The following LRRC8C variants were observed in gnomAD, a reference collection of about 807,000 sequenced individuals.
LRRC8C encodes leucine rich repeat containing 8 VRAC subunit C.
In LRRC8C, 20 loss-of-function variants were observed where a neutral mutation model predicts 55.3. That is an observed-to-expected ratio of 0.36 (90% confidence interval 0.25 to 0.53). LRRC8C has a LOEUF of 0.53. Among genes scored for constraint, LRRC8C ranks in the 20% least tolerant of loss-of-function variants. The pLI, the probability that LRRC8C is intolerant of heterozygous loss-of-function variation, is 0.92. For synonymous variants in LRRC8C, 376 were observed against 360.7 expected (o/e 1.04, Z -0.48); for missense variants, 659 against 951.4 (o/e 0.69, Z 4.04).
chr1:89,651,809 G>T lies in LRRC8C; in HGVS notation c.-5+18487G>T, dbSNP rs1656792777. 1.3e-5 allele frequency among the ~76,000 whole-genome samples: 2 copies of T among 152,058 alleles called. 1 individual carries two copies. Among genetic ancestry groups the T allele is most frequent in the South Asian group, 4.1e-4 (2 of 4,828 alleles). ...GGACATTTTGTAGCAAAAGAGAATT[G>T]TTAGAAAAATTACTAGATTTGACAT... On this transcript the variant is annotated intron_variant, in intron 1 of 2. Coordinates refer to ENST00000370454, the MANE Select transcript of LRRC8C (RefSeq NM_032270.5).
intron 2 of LRRC8C, among the ~76,000 whole-genome samples, chr1:89,700,343 A>G (rs1377170915): frequency 6.6e-6 from 1 of 152,018 alleles, no homozygotes; most frequent in Non-Finnish European, 1.5e-5. Context: ...CTCTCGTTTG[A>G]TTTTTCATGT....
intron 1 of LRRC8C, among the ~76,000 whole-genome samples, chr1:89,673,160 C>T (rs1054404249): frequency 2.1e-4 from 32 of 152,136 alleles, no homozygotes; most frequent in Admixed American, 1.2e-3. Context: ...TATGACCTTT[C>T]TATGCTATTT....
intron 1 of LRRC8C, among the ~76,000 whole-genome samples, chr1:89,680,549 C>CTTTTTTTT (rs10593283): frequency 5.4e-5 from 5 of 91,868 alleles, no homozygotes; most frequent in Admixed American, 1.6e-4. Context: ...TGCTTTCATG[C>CTTTTTTTT]TTTTTTTTTT....
intron 1 of LRRC8C, among the ~76,000 whole-genome samples, chr1:89,658,639 C>A (rs1041873369): frequency 3.3e-5 from 5 of 152,170 alleles, no homozygotes; most frequent in Non-Finnish European, 5.9e-5. Flanking sequence ...TCCTCATTAT[C>A]TTTCCAAAAC....
chr1:89,641,518 A>G lies in LRRC8C; in HGVS notation c.-5+8196A>G, dbSNP rs1656454101. On this transcript the variant is annotated intron_variant, in intron 1 of 2. Transcript: ENST00000370454. ...TTCATAGAAGGAGATTGTGAATTCT[A>G]CTTCACAAATAGGTTCTGTTGCTGA... Among the ~76,000 whole-genome samples, 2 of 152,126 alleles carry G rather than the reference A, an allele frequency of 1.3e-5. 1 individual carries two copies. The highest frequency in any genetic ancestry group is 4.1e-4 in the South Asian group (2 of 4,830).
intron 1 of LRRC8C, among the ~76,000 whole-genome samples, chr1:89,684,286 C>T (rs942755649): frequency 6.6e-6 from 1 of 152,126 alleles, no homozygotes; most frequent in African/African-American, 2.4e-5. Context: ...CCAATTTCCT[C>T]TACGATGTAA....
In LRRC8C at chr1:89,670,459, C is replaced by G. The variant is rs374794176; in HGVS notation, c.-4-16011C>G. On this transcript the variant is annotated intron_variant, in intron 1 of 2. Coordinates refer to ENST00000370454, the MANE Select transcript of LRRC8C (RefSeq NM_032270.5). ...TTTTCTAGTGTAATTCTGGTAACTA[C>G]TTTCTTTACAACATATGTTTTCTGC... is the stretch of plus-strand genomic sequence containing the variant. Among the ~76,000 whole-genome samples the G allele has an allele frequency of 2.1e-4, 32 of 152,188 alleles. No individual in the cohort carries two copies. The South Asian group carries it at 6.4e-3, about 31-fold the overall frequency.
chr1:89,697,121 T>G (rs1363454259), intron 2 of LRRC8C, among the ~76,000 whole-genome samples: 1 of 152,194 alleles, frequency 6.6e-6, no homozygotes, highest in Non-Finnish European at 1.5e-5. Context: ...GATATTATCT[T>G]TTAAGGATGA....
the LRRC8C span, among the ~76,000 whole-genome samples, chr1:89,621,187 G>C: frequency 1.6e-4 from 24 of 151,912 alleles, no homozygotes; most frequent in Non-Finnish European, 1.2e-4. Context: ...TTGGCCAGGC[G>C]CGGTGGCTCA....
rs541576271 is a variant in LRRC8C, at chr1:89,642,513, G to A, written c.-5+9191G>A. On this transcript the variant is annotated intron_variant, in intron 1 of 2. Coordinates refer to ENST00000370454, the MANE Select transcript of LRRC8C (RefSeq NM_032270.5). ...GCGGATCACCTGAGGTCAGGAGTTC[G>A]AGACCAGCCTGGCCAACATGGTGAA... Among the ~76,000 whole-genome samples, 433 of 151,996 alleles carry A rather than the reference G, an allele frequency of 2.8e-3. 2 individuals are homozygous for A. Among genetic ancestry groups the A allele is most frequent in the Non-Finnish European group, 4.2e-3 (283 of 67,940 alleles).
chr1:89,660,415 C>T (rs934541070), intron 1 of LRRC8C, among the ~76,000 whole-genome samples: 1 of 152,164 alleles, frequency 6.6e-6, no homozygotes, highest in African/African-American at 2.4e-5. Flanking sequence ...CTGGGCCCCA[C>T]CCCAGCGGTT....
upstream of LRRC8C, chr1:89,632,108 G>A (rs1009618550): frequency 6.6e-6 from 1 of 152,334 alleles, no homozygotes; most frequent in East Asian, 1.9e-4. Context: ...ATTCCCAGAA[G>A]ACTGTGTTAC....
At chr1:89,658,813 T>C (rs1657020548) in intron 1 of LRRC8C, among the ~76,000 whole-genome samples, 1 of 152,164 alleles carries the variant, frequency 6.6e-6, no homozygotes, top group Admixed American at 6.6e-5. Context: ...TTGGGTGAAG[T>C]GTAGATTCCA....
chr1:89,707,122 A>C (rs1211718264), intron 2 of LRRC8C, among the ~76,000 whole-genome samples: 1 of 152,082 alleles, frequency 6.6e-6, no homozygotes, highest in East Asian at 1.9e-4. Context: ...GATCCAGAGG[A>C]TAGGCCAGGC....
intron 1 of LRRC8C, among the ~76,000 whole-genome samples, chr1:89,648,061 CCT>C (rs1656661566): frequency 1.3e-5 from 2 of 151,710 alleles, no homozygotes; most frequent in Non-Finnish European, 2.9e-5. Flanking sequence ...AGAGCAAGAC[CCT>C]GTCTCAAAAA....
intron 1 of LRRC8C, among the ~76,000 whole-genome samples, chr1:89,635,839 A>G (rs1656263057): frequency 6.6e-6 from 1 of 152,194 alleles, no homozygotes; most frequent in African/African-American, 2.4e-5. Flanking sequence ...CATGACAATG[A>G]TGGTCTCATG....
At chr1:89,666,408 CA>C (rs1334122989) in intron 1 of LRRC8C, among the ~76,000 whole-genome samples, 3 of 119,722 alleles carry the variant, frequency 2.5e-5, no homozygotes, top group African/African-American at 9.7e-5. Flanking sequence ...AGAACTTTAA[CA>C]AAAATATATA....
chr1:89,714,209 C>A lies in LRRC8C; in HGVS notation c.1639C>A (p.Leu547Ile). Residue 547 changes from leucine to isoleucine, a missense_variant, in exon 3 of 3, where the codon CTC becomes ATC. This residue lies in a region of LRRC8C where 344 missense variants were observed against 464.6 expected (regional missense o/e 0.74). Transcript: ENST00000370454. The surrounding 1 kb of genome is among the most constrained non-coding windows in gnomAD (Gnocchi z 4.6). ...GCGGGATCTCAAAAGCCTTAAAATT[C>A]TCTCTATCAAAAGCAACGTTTCCAA... Reference protein sequence around the residue: ...SLRDLKSLKILSIKSNVSKIP... With the variant: ...SLRDLKSLKIISIKSNVSKIP... The A allele has an allele frequency of 6.2e-7, 1 of 1,614,122 alleles. No individual in the cohort carries two copies. The highest frequency in any genetic ancestry group is 8.5e-7 in the Non-Finnish European group (1 of 1,180,036).
chr1:89,700,075 T>A (rs987798971), intron 2 of LRRC8C, among the ~76,000 whole-genome samples: 1 of 152,196 alleles, frequency 6.6e-6, no homozygotes, highest in African/African-American at 2.4e-5. Flanking sequence ...CTTAGTGACA[T>A]GAAAATTAAT....
Sources: gnomAD v4.1 joint callset for allele counts (sites outside exome capture counted in the v4.1 genomes callset) on GRCh38, gnomAD v4.1.1 for gene constraint, gnomAD v4.1.1 regional missense constraint, Gnocchi (gnomAD v3.1) non-coding constraint, MANE v1.5 for transcripts, NCBI Gene and HGNC (gene_info 2026-07-23, HGNC 2026-07-21) for gene names.